SLC5A5: variants seen among roughly 807,000 people sequenced by gnomAD.
SLC5A5 encodes the protein sodium/iodide cotransporter.
A neutral mutation model predicts 68.6 loss-of-function variants in SLC5A5; 56 were observed. That is an observed-to-expected ratio of 0.82 (90% CI 0.66 to 1.02). The LOEUF (loss-of-function observed/expected upper bound fraction) is 1.02, where lower values mean the gene tolerates loss of function less well. Ranked by LOEUF, SLC5A5 falls within the 50% of genes least tolerant of loss-of-function variation. SLC5A5 has a pLI of 0.00. For synonymous variants in SLC5A5, 398 were observed against 373.0 expected, an observed-to-expected ratio of 1.07 and a Z score of -0.77; for missense variants, 807 against 859.8, an observed-to-expected ratio of 0.94 and a Z score of 0.77.
chr19:17,881,248 A>G (rs1444535180), intron 8 of SLC5A5, among the ~76,000 whole-genome samples: 1 of 149,600 alleles, frequency 6.7e-6, no homozygotes, highest in Non-Finnish European at 1.5e-5. Flanking sequence ...TTGAACATCT[A>G]CTATGTGGCA....
In SLC5A5 at chr19:17,890,887, C is replaced by T. The variant is rs760358075; in HGVS notation, c.1653C>T (p.Gly551=). 8.7e-6 allele frequency: 14 copies of T among 1,610,202 alleles called. No individual in the cohort carries two copies. In the East Asian group the frequency reaches 1.8e-4, roughly 21 times the overall value. The part of the protein sequence containing the change: ...LCGALISCLT[G]PTKRSTLAPG... The stretch of plus-strand genomic sequence containing the variant: ...TCTCCATTTCTCCCCGCCTCTCAGG[C>T]CCCACCAAGCGCAGCACCCTGGCCC... The change falls in exon 14 of 15, where the codon GGC becomes GGT. Residue 551 remains glycine, a splice_region_variant and synonymous_variant. Transcript: ENST00000222248.
intron 11 of SLC5A5, 40 bp downstream of exon 11, chr19:17,883,807 C>A (rs762664127): frequency 3.1e-6 from 5 of 1,605,898 alleles, no homozygotes; most frequent in Admixed American, 3.3e-5. Context: ...GGGGCGGGGC[C>A]GGACAGGCCC....
intron 12 of SLC5A5, among the ~76,000 whole-genome samples, chr19:17,886,583 C>G (rs2029929059): frequency 6.6e-6 from 1 of 152,182 alleles, no homozygotes; most frequent in African/African-American, 2.4e-5. Context: ...GTTAGGATTA[C>G]AGGCCTGAGC....
chr19:17,882,459 C>T (rs187091306), intron 10 of SLC5A5, among the ~76,000 whole-genome samples: 3 of 151,926 alleles, frequency 2.0e-5, no homozygotes, highest in African/African-American at 4.8e-5. Flanking sequence ...CCTCAATCTC[C>T]CAAGTAGCTG....
chr19:17,880,508 C>T (rs537584131), intron 7 of SLC5A5, among the ~76,000 whole-genome samples: 1 of 152,260 alleles, frequency 6.6e-6, no homozygotes, highest in South Asian at 2.1e-4. Flanking sequence ...AGTCACCCTG[C>T]CCGGCCAGAC....
Position 17,888,469 on chromosome 19 carries a change from G to A in SLC5A5, c.1651+14G>A, listed in dbSNP as rs1380080853. 9 of 1,613,276 alleles carry A rather than the reference G, an allele frequency of 5.6e-6. No homozygotes were observed. The Admixed American group carries it at 1.0e-4, about 18-fold the overall frequency. ...GCTGCCTGACAGGTAGGTAAACAGA[G>A]CATGTGGCCTCAGAGGTCATCCCAT... On this transcript the variant is annotated intron_variant, in intron 13 of 14. Coordinates refer to ENST00000222248, the MANE Select transcript of SLC5A5 (RefSeq NM_000453.3).
At position 17,882,202 on chromosome 19, in the gene SLC5A5, G is replaced by T. The variant is rs779236022; in HGVS notation, c.1225G>T (p.Gly409Ter). ...LTVAALSSLL[G>*]GGVLQGSFTV... is the part of the protein sequence containing the mutation. ...CGTGGCAGCCCTGTCCTCACTGCTC[G>T]GAGGAGGTGTCCTTCAGGTGAGACC... The change falls in exon 10 of 15, where the codon GGA becomes TGA. Residue 409 changes from glycine to a stop codon, truncating the protein, a stop_gained. Coordinates refer to ENST00000222248, the MANE Select transcript of SLC5A5 (RefSeq NM_000453.3). LOFTEE classifies it high-confidence loss of function. 6.2e-7 allele frequency: 1 copy of T among 1,613,742 alleles called. No homozygotes were observed. Among genetic ancestry groups the T allele is most frequent in the East Asian group, 2.2e-5 (1 of 44,856 alleles).
intron 1 of SLC5A5, among the ~76,000 whole-genome samples, chr19:17,873,751 G>A (rs1038595499): frequency 6.6e-6 from 1 of 152,164 alleles, no homozygotes. Context: ...GCGAGACTCC[G>A]TCCCCCCTCC....
Position 17,872,681 on chromosome 19 carries a change from CG to C in SLC5A5, c.357+7del. ...GGCCTCACCAGCACCTACGAGGTAC[CG>C]GACAGAGGCCCGGGGGTAGGACCTG... On this transcript the variant is annotated splice_donor_region_variant and intron_variant, in intron 1 of 14. Coordinates refer to ENST00000222248, the MANE Select transcript of SLC5A5 (RefSeq NM_000453.3). 1 of 1,537,298 alleles carries C rather than the reference CG, an allele frequency of 6.5e-7. No homozygotes were observed. The highest frequency in any genetic ancestry group is 9.0e-7 in the Non-Finnish European group (1 of 1,116,956).
intron 5 of SLC5A5, among the ~76,000 whole-genome samples, chr19:17,877,458 C>T (rs187428156): frequency 8.5e-4 from 130 of 152,074 alleles, no homozygotes; most frequent in African/African-American, 2.1e-3. Flanking sequence ...TAGAGGCACC[C>T]GCCATTATTC....
chr19:17,888,503 C>T, intron 13 of SLC5A5, 48 bp downstream of exon 13: 2 of 1,608,620 alleles, frequency 1.2e-6, no homozygotes, highest in Non-Finnish European at 8.5e-7. Context: ...ATTCATCTCT[C>T]TGCCTCAAGG....
chr19:17,875,909 C>T (rs1568419639), intron 4 of SLC5A5, 43 bp from the exon 5 acceptor site: 1 of 1,612,320 alleles, frequency 6.2e-7, no homozygotes, highest in Non-Finnish European at 8.5e-7. Flanking sequence ...GGCCAGGTCC[C>T]CCATCTAACC....
intron 4 of SLC5A5, among the ~76,000 whole-genome samples, chr19:17,875,428 G>A (rs1272409577): frequency 6.6e-6 from 1 of 151,586 alleles, no homozygotes; most frequent in East Asian, 1.9e-4. Context: ...ACTGACACTC[G>A]TATATGTCAA....
At chr19:17,885,327 G>GTTTATTTATTTATTTA (rs538196595) in intron 12 of SLC5A5, among the ~76,000 whole-genome samples, 81 of 151,426 alleles carry the variant, frequency 5.3e-4, no homozygotes, top group African/African-American at 1.9e-3. Context: ...TTTCTGTTTT[G>GTTTATTTATTTATTTA]TTTATTTATT....
intron 12 of SLC5A5, among the ~76,000 whole-genome samples, chr19:17,886,559 T>C (rs756856746): frequency 1.3e-5 from 2 of 152,012 alleles, no homozygotes; most frequent in African/African-American, 2.4e-5. Flanking sequence ...CCGCCTGCCT[T>C]GGCCTCCCAG....
intron 12 of SLC5A5, among the ~76,000 whole-genome samples, 155 bp downstream of exon 12, chr19:17,884,201 C>T (rs2094328283): frequency 6.6e-6 from 1 of 152,182 alleles, no homozygotes; most frequent in African/African-American, 2.4e-5. Context: ...AGGCCACAAT[C>T]GGGTTAGTCC....
At chr19:17,879,204 A>G (rs1393845224) in intron 7 of SLC5A5, among the ~76,000 whole-genome samples, 2 of 151,986 alleles carry the variant, frequency 1.3e-5, no homozygotes, top group Admixed American at 6.6e-5. Context: ...GAGGCAGGAG[A>G]ATAGCTTAAA....
At chr19:17,875,293 C>T (rs1241366745) in intron 4 of SLC5A5, among the ~76,000 whole-genome samples, 3 of 151,916 alleles carry the variant, frequency 2.0e-5, no homozygotes, top group Non-Finnish European at 4.4e-5. Flanking sequence ...TCGCTTGAAC[C>T]CGGGAGGTGG....
intron 14 of SLC5A5, among the ~76,000 whole-genome samples, chr19:17,892,812 T>A (rs535192765): frequency 6.6e-6 from 1 of 152,010 alleles, no homozygotes; most frequent in South Asian, 2.1e-4. Flanking sequence ...GGTGGCCTCT[T>A]GGGAGAGGTG....
Sources: gnomAD v4.1 joint callset for allele counts (sites outside exome capture counted in the v4.1 genomes callset) on GRCh38, gnomAD v4.1.1 for gene constraint, MANE v1.5 for transcripts, NCBI Gene and HGNC (gene_info 2026-07-23, HGNC 2026-07-21) for gene names.